Variants in CSMD1 observed in about 807,000 individuals in gnomAD.
CSMD1 encodes CUB and sushi domain-containing protein 1.
Under a neutral mutation model 417.5 loss-of-function variants are expected in CSMD1, and 213 were observed. That is an observed-to-expected ratio of 0.51 (90% CI 0.46 to 0.57). The LOEUF (loss-of-function observed/expected upper bound fraction) is 0.57, where lower values mean the gene tolerates loss of function less well. Among genes scored for constraint, CSMD1 ranks in the 20% least tolerant of loss-of-function variants. The pLI, the probability that CSMD1 is intolerant of heterozygous loss-of-function variation, is 0.00. For synonymous variants in CSMD1, 2,862 were observed against 1,736.8 expected (o/e 1.65, Z -16.11); for missense variants, 6,923 against 4,529.7 (o/e 1.53, Z -15.17).
chr8:3,840,417 T>C (rs930405207), intron 5 of CSMD1, among the ~76,000 whole-genome samples: 14 of 152,192 alleles, frequency 9.2e-5, no homozygotes, highest in South Asian at 4.1e-4. Flanking sequence ...GATAACGTTG[T>C]ACTTTATTTT....
At chr8:4,032,197 T>C (rs1471651334) in intron 3 of CSMD1, 98 bp from the exon 4 acceptor site, 2 of 789,514 alleles carry the variant, frequency 2.5e-6, no homozygotes, top group East Asian at 2.7e-5. Context: ...ATTATTAAAA[T>C]GAGAAAACCT....
At chr8:3,305,610 G>GCCAATGCCA (rs1563250956) in intron 25 of CSMD1, among the ~76,000 whole-genome samples, 1 of 151,802 alleles carries the variant, frequency 6.6e-6, no homozygotes, top group Non-Finnish European at 1.5e-5. Context: ...CTCATCATCT[G>GCCAATGCCA]CCAATGCCAT....
intron 10 of CSMD1, among the ~76,000 whole-genome samples, chr8:3,546,210 T>A (rs980336422): frequency 1.6e-4 from 24 of 152,150 alleles, no homozygotes; most frequent in African/African-American, 4.6e-4. Context: ...AGAGAAATTG[T>A]GTAAGGTTCT....
intron 12 of CSMD1, among the ~76,000 whole-genome samples, chr8:3,432,310 TA>T (rs1299303026): frequency 6.6e-6 from 1 of 152,014 alleles, no homozygotes; most frequent in Non-Finnish European, 1.5e-5. Flanking sequence ...GATAGACGGT[TA>T]AAAGAAAAAA....
In CSMD1 at chr8:3,416,630, C is replaced by A. The variant is rs532461715; in HGVS notation, c.1562-7025G>T. Among the ~76,000 whole-genome samples, 10 of 152,316 alleles carry A rather than the reference C, an allele frequency of 6.6e-5. No homozygotes were observed. In the East Asian group the frequency reaches 1.7e-3, roughly 26 times the overall value. On this transcript the variant is annotated intron_variant, in intron 12 of 69. Transcript: ENST00000635120. The stretch of plus-strand genomic sequence containing the variant: ...GGGTGTCCCAGGAGCTACATGGAAA[C>A]ACGTCCAGGGAGTTGCCTGGTCCTT...
In CSMD1 at chr8:3,542,627, G is replaced by C. The variant is rs147866987; in HGVS notation, c.1344+32318C>G. Among the ~76,000 whole-genome samples the C allele has an allele frequency of 4.7e-4, 71 of 152,254 alleles. No individual in the cohort carries two copies. In the East Asian group the frequency reaches 9.7e-3, roughly 21 times the overall value. On this transcript the variant is annotated intron_variant, in intron 10 of 69. Coordinates refer to ENST00000635120, the MANE Select transcript of CSMD1 (RefSeq NM_033225.6). ...CTCCTTGAATTCTATGCTGTATGGAGATACATAGGAGGTAACACAGGACAG... is the reference window on the plus strand; with the variant it reads ...CTCCTTGAATTCTATGCTGTATGGACATACATAGGAGGTAACACAGGACAG...
rs7831766 is a variant in CSMD1 at position 3,784,686 on chromosome 8, A to C, written c.819-30644T>G. Among the ~76,000 whole-genome samples the C allele has an allele frequency of 5.1e-3, 780 of 152,344 alleles. 6 individuals carry two copies. The highest frequency in any genetic ancestry group is 0.018 in the African/African-American group (739 of 41,582). Reference sequence around the variant, plus strand: ...TAAGGGATATTGTCAGCAAATTTTCAAATATTCCTGGAAATATGCTATTAT... The same window carrying C: ...TAAGGGATATTGTCAGCAAATTTTCCAATATTCCTGGAAATATGCTATTAT... On this transcript the variant is annotated intron_variant, in intron 5 of 69. Coordinates refer to ENST00000635120, the MANE Select transcript of CSMD1 (RefSeq NM_033225.6).
chr8:4,130,330 C>G (rs980018692), intron 3 of CSMD1, among the ~76,000 whole-genome samples: 1 of 152,136 alleles, frequency 6.6e-6, no homozygotes, highest in Non-Finnish European at 1.5e-5. Context: ...CTAAGGTCTT[C>G]TATTCCAAAG....
At position 4,134,037 on chromosome 8, in the gene CSMD1, A is replaced by T. The variant is rs114839352; in HGVS notation, c.416-101938T>A. ...TCAGTATACATTTTTTTAAACATTT[A>T]AATGAGATTAGCTATTAATAAAGAT... On this transcript the variant is annotated intron_variant, in intron 3 of 69. Coordinates refer to ENST00000635120, the MANE Select transcript of CSMD1 (RefSeq NM_033225.6). Among the ~76,000 whole-genome samples, 1,083 of 152,338 alleles carry T rather than the reference A, an allele frequency of 7.1e-3. 11 individuals carry two copies. Among genetic ancestry groups the T allele is most frequent in the African/African-American group, 0.025 (1,054 of 41,586 alleles).
intron 3 of CSMD1, among the ~76,000 whole-genome samples, chr8:4,194,329 C>T (rs924238650): frequency 6.6e-6 from 1 of 152,096 alleles, no homozygotes; most frequent in Admixed American, 6.6e-5. Flanking sequence ...GATTTAGAAG[C>T]TTCAGGAGAA....
intron 3 of CSMD1, among the ~76,000 whole-genome samples, chr8:4,091,391 AT>A (rs1800713193): frequency 6.6e-6 from 1 of 152,214 alleles, no homozygotes; most frequent in South Asian, 2.1e-4. Flanking sequence ...AAACAAATGA[AT>A]TTTAATGAAG....
chr8:3,417,715 G>C (rs1412838452), intron 12 of CSMD1, among the ~76,000 whole-genome samples: 1 of 151,582 alleles, frequency 6.6e-6, no homozygotes, highest in Non-Finnish European at 1.5e-5. Context: ...CCTGCTCTTA[G>C]ATTCTCATTT....
chr8:3,997,929 G>A lies in CSMD1; in HGVS notation c.792C>T (p.Ile264=), dbSNP rs756317521. 4 of 1,612,370 alleles carry A rather than the reference G, an allele frequency of 2.5e-6. No homozygotes were observed. Among genetic ancestry groups the A allele is most frequent in the Non-Finnish European group, 3.4e-6 (4 of 1,179,232 alleles). ...QLEEGYDFLE[I]SGTEAPSIWL... ...ATATGGATGGAGCTTCCGTGCCACT[G>A]ATCTCTAAGAAATCATATCCTTCTT... Residue 264 remains isoleucine (I), a synonymous_variant, in exon 5 of 70, where the codon ATC becomes ATT. Coordinates refer to ENST00000635120, the MANE Select transcript of CSMD1 (RefSeq NM_033225.6).
chr8:3,211,792 T>C (rs1469492256), intron 30 of CSMD1, among the ~76,000 whole-genome samples: 1 of 152,194 alleles, frequency 6.6e-6, no homozygotes, highest in Non-Finnish European at 1.5e-5. Context: ...CCTCAAGACC[T>C]TGGACAGCAG....
At chr8:4,591,995 G>A (rs1800012788) in intron 2 of CSMD1, among the ~76,000 whole-genome samples, 1 of 152,120 alleles carries the variant, frequency 6.6e-6, no homozygotes. Flanking sequence ...AAAACAGGCT[G>A]CAGGTCATGC....
intron 5 of CSMD1, among the ~76,000 whole-genome samples, chr8:3,773,920 T>G (rs58768860): frequency 0.033 from 4,954 of 152,252 alleles, 297 homozygotes; most frequent in African/African-American, 0.11. Flanking sequence ...CCTGTGAGGT[T>G]GAGTAATTTG....
At chr8:4,662,452 T>C (rs1804664834) in intron 1 of CSMD1, among the ~76,000 whole-genome samples, 1 of 152,158 alleles carries the variant, frequency 6.6e-6, no homozygotes, top group African/African-American at 2.4e-5. Flanking sequence ...CTAATTTCTT[T>C]TTATTTTCTC....
chr8:3,778,227 AACTG>A (rs145757965), intron 5 of CSMD1, among the ~76,000 whole-genome samples: 1,957 of 152,282 alleles, frequency 0.013, 22 homozygotes, highest in South Asian at 0.024. Flanking sequence ...AGGTCTGTGG[AACTG>A]ACTATTTTCT....
chr8:4,085,305 G>A (rs1800362017), intron 3 of CSMD1, among the ~76,000 whole-genome samples: 1 of 152,146 alleles, frequency 6.6e-6, no homozygotes, highest in East Asian at 1.9e-4. Flanking sequence ...TAGTTAGGAA[G>A]TTTAATGAAG....
Sources: allele counts gnomAD v4.1 joint callset (sites outside exome capture counted in the v4.1 genomes callset), GRCh38; gene constraint gnomAD v4.1.1; transcripts MANE v1.5; gene names NCBI Gene and HGNC (gene_info 2026-07-23, HGNC 2026-07-21).